The following WASHC2C variants were observed in gnomAD, a reference collection of about 807,000 sequenced individuals.
The protein encoded by WASHC2C is Vaccinia Penetration Factor.
WASHC2C carries 73 observed loss-of-function variants against 142.2 expected under a neutral mutation model. That is an observed-to-expected ratio of 0.51 (90% CI 0.43 to 0.62). The LOEUF (loss-of-function observed/expected upper bound fraction) is 0.62, where lower values mean the gene tolerates loss of function less well. Ranked by LOEUF, WASHC2C falls within the 20% of genes least tolerant of loss-of-function variation. The pLI is 0.00. For synonymous variants in WASHC2C, 337 were observed against 565.5 expected (o/e 0.60, Z 5.73); for missense variants, 969 against 1,531.7 (o/e 0.63, Z 6.13).
At chr10:45,755,253 G>A in intron 15 of WASHC2C, 138 bp downstream of exon 15, 7 of 1,401,788 alleles carry the variant, frequency 5.0e-6, no homozygotes, top group Non-Finnish European at 5.8e-6. Context: ...GAGTTGTTGT[G>A]TCTGTACTTA....
intron 29 of WASHC2C, 98 bp downstream of exon 29, chr10:45,789,589 A>G (rs2058273332): frequency 1.3e-6 from 2 of 1,538,158 alleles, no homozygotes. Context: ...TGTTGCGTGC[A>G]TACCCCATAG....
At chr10:45,754,222 C>A (rs1229139902) in intron 13 of WASHC2C, among the ~76,000 whole-genome samples, 3,962 of 115,226 alleles carry the variant, frequency 0.034, no homozygotes, top group Non-Finnish European at 0.048. Flanking sequence ...TGGTGTCCCC[C>A]AGCTGACCCA....
At chr10:45,771,150 A>T (rs1376717705) in intron 20 of WASHC2C, among the ~76,000 whole-genome samples, 1 of 151,918 alleles carries the variant, frequency 6.6e-6, no homozygotes, top group African/African-American at 2.4e-5. Context: ...GCAGATCACG[A>T]GGTCAGGAGT....
intron 17 of WASHC2C, among the ~76,000 whole-genome samples, chr10:45,762,088 A>C (rs1554880199): frequency 2.6e-5 from 4 of 151,076 alleles, no homozygotes; most frequent in Admixed American, 2.0e-4. Context: ...TGTGTATTGA[A>C]GTTTATCTTC....
At chr10:45,766,291 G>T (rs1199617255) in intron 19 of WASHC2C, among the ~76,000 whole-genome samples, 4 of 152,294 alleles carry the variant, frequency 2.6e-5, no homozygotes, top group African/African-American at 7.2e-5. Context: ...GATGAAAGGG[G>T]TGTGACCTGA....
chr10:45,732,939 C>G (rs1468461189), intron 3 of WASHC2C, among the ~76,000 whole-genome samples: 1 of 152,282 alleles, frequency 6.6e-6, no homozygotes, highest in Non-Finnish European at 1.5e-5. Context: ...AGGTTTTTCC[C>G]TCTCCCCCTA....
Position 45,757,129 on chromosome 10 carries a change from C to G in WASHC2C, c.1538C>G (p.Ala513Gly). ...VSQTDENKAR[A>G]EKKVTLSYSK... is the part of the protein sequence containing the mutation. ...CAGACAGATGAAAATAAAGCAAGAG[C>G]AGAAAAAAAGGTGAGCAGGAGGGAA... Residue 513 changes from alanine (A) to glycine (G), a missense_variant, in exon 16 of 31, where the codon GCA becomes GGA. Transcript: ENST00000623400. 6.3e-7 allele frequency: 1 copy of G among 1,593,696 alleles called. No individual in the cohort carries two copies. The highest frequency in any genetic ancestry group is 8.5e-7 in the Non-Finnish European group (1 of 1,175,492).
intron 17 of WASHC2C, among the ~76,000 whole-genome samples, chr10:45,759,724 T>G (rs1264482049): frequency 6.6e-6 from 1 of 152,012 alleles, no homozygotes; most frequent in African/African-American, 2.4e-5. Context: ...AAGGCTGAGA[T>G]AGGAGATTCA....
At chr10:45,734,050 C>T (rs2050915614) in intron 3 of WASHC2C, among the ~76,000 whole-genome samples, 1 of 151,948 alleles carries the variant, frequency 6.6e-6, no homozygotes, top group African/African-American at 2.4e-5. Flanking sequence ...GGTGAAGCTC[C>T]ATCTTTACTA....
intron 8 of WASHC2C, among the ~76,000 whole-genome samples, 196 bp from the exon 9 acceptor site, chr10:45,749,898 ATT>A (rs1438004740): frequency 2.1e-4 from 28 of 136,018 alleles, no homozygotes; most frequent in Non-Finnish European, 3.1e-4. Flanking sequence ...ATTTTTATAT[ATT>A]TTTTTTCTTA....
rs1165617380 is a variant in WASHC2C, at chr10:45,743,257, G to C, written c.529-133G>C. ...AATTTTTTTTTTAACTTTTAGTCCT[G>C]CTGTGTTTCTTATTCTCCACCTTCG... On this transcript the variant is annotated intron_variant, in intron 5 of 30. Transcript: ENST00000623400. 2.1e-6 allele frequency: 3 copies of C among 1,430,126 alleles called. No homozygotes were observed. In the African/African-American group the frequency reaches 4.2e-5, roughly 20 times the overall value. The allele number at this position is 1,430,126 out of a possible 1,614,324, so 88.6% of individuals were successfully genotyped here. A position where few individuals can be genotyped will look rare whatever the true frequency, so the allele number is the denominator to read the frequency against.
intron 23 of WASHC2C, 53 bp downstream of exon 23, chr10:45,779,188 A>G: frequency 1.2e-6 from 2 of 1,607,132 alleles, no homozygotes; most frequent in South Asian, 1.1e-5. Context: ...AAAGACTCTC[A>G]TCTCATGGTT....
chr10:45,748,306 T>A (rs1203193667), intron 8 of WASHC2C, among the ~76,000 whole-genome samples: 1 of 140,330 alleles, frequency 7.1e-6, no homozygotes, highest in Non-Finnish European at 1.5e-5. Context: ...TTTTTTTTTT[T>A]TGAGACAGAG....
rs782204511 is a variant in WASHC2C at position 45,752,651 on chromosome 10, C to G, written c.1067C>G (p.Ser356Cys). 129 of 1,609,664 alleles carry G rather than the reference C, an allele frequency of 8.0e-5. No homozygotes were observed. The highest frequency in any genetic ancestry group is 9.4e-5 in the Non-Finnish European group (111 of 1,178,930). Residue 356 changes from serine (S) to cysteine (C), a missense_variant, in exon 12 of 31, where the codon TCT becomes TGT. Physicochemically the swap from Ser to Cys is moderately radical, Grantham distance 112 (BLOSUM62 -1). Transcript: ENST00000623400. Reference sequence around the variant, plus strand: ...GACGAGGACTTCTCGCCATTTGGCTCTGGAGGTGGCCTGTTCAGTGGCGGC... The same window carrying G: ...GACGAGGACTTCTCGCCATTTGGCTGTGGAGGTGGCCTGTTCAGTGGCGGC... ...LTDEDFSPFG[S>C]GGGLFSGGKG...
intron 18 of WASHC2C, among the ~76,000 whole-genome samples, chr10:45,764,640 C>T (rs1210084679): frequency 6.6e-6 from 1 of 152,056 alleles, no homozygotes; most frequent in African/African-American, 2.4e-5. Context: ...GTGGTGAGCT[C>T]AAAGGCTTTG....
intron 14 of WASHC2C, 65 bp downstream of exon 14, chr10:45,754,610 T>C: frequency 4.2e-6 from 6 of 1,412,832 alleles, no homozygotes; most frequent in South Asian, 4.1e-5. Flanking sequence ...TTCAAAATTA[T>C]CATCTTCTAA....
chr10:45,779,320 G>A (rs560994114), intron 23 of WASHC2C, among the ~76,000 whole-genome samples, 185 bp downstream of exon 23: 3 of 146,222 alleles, frequency 2.1e-5, no homozygotes, highest in Non-Finnish European at 4.7e-5. Context: ...AAGTAGCAGT[G>A]TTAGGATAGG....
Position 45,792,871 on chromosome 10 carries a change from G to T in WASHC2C, c.*471G>T, listed in dbSNP as rs1232198993. 6.4e-6 allele frequency: 3 copies of T among 470,268 alleles called. No individual in the cohort carries two copies. Among genetic ancestry groups the T allele is most frequent in the Non-Finnish European group, 1.3e-5 (3 of 227,810 alleles). The allele number at this position is 470,268 out of a possible 1,614,324, so 29.1% of individuals were successfully genotyped here. ...AGCAGGTTTTCACTGAATTCTGAGG[G>T]TGCCTCTGCATGTCCTCCAAGGCAA... On this transcript the variant is annotated 3_prime_UTR_variant, in exon 31 of 31. Coordinates refer to ENST00000623400, the MANE Select transcript of WASHC2C (RefSeq NM_001330074.2).
intron 15 of WASHC2C, among the ~76,000 whole-genome samples, chr10:45,755,518 C>T (rs2054156211): frequency 6.6e-6 from 1 of 152,306 alleles, no homozygotes; most frequent in Non-Finnish European, 1.5e-5. Context: ...TGCCAAAAAG[C>T]TCAGGTGGCC....
Sources: allele counts gnomAD v4.1 joint callset (sites outside exome capture counted in the v4.1 genomes callset), GRCh38; gene constraint gnomAD v4.1.1; transcripts MANE v1.5; gene names NCBI Gene and HGNC (gene_info 2026-07-23, HGNC 2026-07-21).